Variants in ITPR2 observed in about 807,000 individuals in gnomAD.
The protein encoded by ITPR2 is inositol 1,4,5-trisphosphate receptor type 2.
Under a neutral mutation model 317.1 loss-of-function variants are expected in ITPR2, and 207 were observed. That is an observed-to-expected ratio of 0.65 (90% CI 0.58 to 0.73). The LOEUF is 0.73. ITPR2 is among the 30% of genes least tolerant of loss of function. ITPR2 has a pLI of 0.00. For missense variants in ITPR2, 2,613 were observed against 3,284.0 expected (o/e 0.80, Z 4.99); for synonymous variants, 1,156 against 1,149.1 (o/e 1.01, Z -0.12).
chr12:26,732,389 T>C (rs2137064139), intron 2 of ITPR2, among the ~76,000 whole-genome samples: 1 of 152,284 alleles, frequency 6.6e-6, no homozygotes, highest in African/African-American at 2.4e-5. Context: ...ATTAGAATAT[T>C]ATAAATATGA....
At chr12:26,669,427 A>C (rs2136932704) in intron 13 of ITPR2, among the ~76,000 whole-genome samples, 1 of 152,372 alleles carries the variant, frequency 6.6e-6, no homozygotes, top group East Asian at 1.9e-4. Context: ...GGCAGAAATA[A>C]GTATTCAGAT....
intron 9 of ITPR2, 69 bp downstream of exon 9, chr12:26,711,104 G>T: frequency 9.9e-7 from 1 of 1,009,478 alleles, no homozygotes; most frequent in Non-Finnish European, 1.6e-6. Flanking sequence ...ATGTCTTGTG[G>T]CGAACCCAAC....
chr12:26,451,408 C>T (rs904916933), intron 45 of ITPR2, among the ~76,000 whole-genome samples: 5 of 143,674 alleles, frequency 3.5e-5, no homozygotes, highest in African/African-American at 5.0e-5. Flanking sequence ...CACACACACA[C>T]GGAAAGTAAG....
At chr12:26,546,401 G>T (rs1944391026) in intron 37 of ITPR2, among the ~76,000 whole-genome samples, 1 of 151,966 alleles carries the variant, frequency 6.6e-6, no homozygotes, top group Non-Finnish European at 1.5e-5. Flanking sequence ...ACCTTCATAT[G>T]ATCAAATGTG....
At chr12:26,755,501 G>A (rs1473296587) in intron 2 of ITPR2, among the ~76,000 whole-genome samples, 1 of 152,144 alleles carries the variant, frequency 6.6e-6, no homozygotes, top group Non-Finnish European at 1.5e-5. Flanking sequence ...TTGTTTTTCA[G>A]AGTCAAGAAA....
chr12:26,578,462 T>G (rs1945324044), intron 34 of ITPR2, among the ~76,000 whole-genome samples: 1 of 152,088 alleles, frequency 6.6e-6, no homozygotes, highest in Non-Finnish European at 1.5e-5. Context: ...TCCTCTAAAA[T>G]CTGACTGAGC....
At chr12:26,489,357 T>G (rs541886060) in intron 39 of ITPR2, among the ~76,000 whole-genome samples, 1 of 152,158 alleles carries the variant, frequency 6.6e-6, no homozygotes, top group African/African-American at 2.4e-5. Flanking sequence ...AAGAGCATGA[T>G]GCAGGGAGAA....
At chr12:26,572,051 C>A (rs1945174638) in intron 34 of ITPR2, among the ~76,000 whole-genome samples, 1 of 152,180 alleles carries the variant, frequency 6.6e-6, no homozygotes, top group South Asian at 2.1e-4. Flanking sequence ...AAACAAAGTA[C>A]TCTCTTGACT....
intron 2 of ITPR2, among the ~76,000 whole-genome samples, chr12:26,740,612 G>A (rs1311980237): frequency 6.6e-6 from 1 of 152,104 alleles, no homozygotes; most frequent in Non-Finnish European, 1.5e-5. Context: ...AAAAACTCAA[G>A]GAAGATAAAC....
chr12:26,826,195 G>T (rs1386796697), intron 1 of ITPR2, among the ~76,000 whole-genome samples: 4 of 151,316 alleles, frequency 2.6e-5, no homozygotes, highest in Admixed American at 2.0e-4. Flanking sequence ...GAGCCCAGGA[G>T]TTCAGGGTTG....
chr12:26,605,998 G>C (rs1242319646), intron 26 of ITPR2, among the ~76,000 whole-genome samples: 1 of 152,092 alleles, frequency 6.6e-6, no homozygotes, highest in Non-Finnish European at 1.5e-5. Flanking sequence ...TGCTCCAAAA[G>C]TTTTCCTTCT....
At chr12:26,496,277 A>G (rs1942928982) in intron 37 of ITPR2, among the ~76,000 whole-genome samples, 1 of 152,186 alleles carries the variant, frequency 6.6e-6, no homozygotes, top group Admixed American at 6.5e-5. Flanking sequence ...CACCTGATTC[A>G]ACTCTTGGCT....
intron 2 of ITPR2, among the ~76,000 whole-genome samples, chr12:26,770,776 T>C (rs73296598): frequency 0.012 from 1,869 of 152,292 alleles, 46 homozygotes; most frequent in African/African-American, 0.042. Context: ...TCAAGTTTAT[T>C]AGTTTCCTGT....
chr12:26,516,294 A>AGGG lies in ITPR2; in HGVS notation c.5074-21035_5074-21034insCCC, dbSNP rs1250939533. On this transcript the variant is annotated intron_variant, in intron 37 of 56. Coordinates refer to ENST00000381340, the MANE Select transcript of ITPR2 (RefSeq NM_002223.4). Reference sequence around the variant, plus strand: ...AAGGAAGGGAAGGGAAGGGAAAGGAAAGGAAAGGAAAGGAAAGGAAAGGAA... The same window carrying AGGG: ...AAGGAAGGGAAGGGAAGGGAAAGGAAGGGAGGAAAGGAAAGGAAAGGAAAGGAA... 1.1e-3 allele frequency among the ~76,000 whole-genome samples: 89 copies of AGGG among 84,596 alleles called. 6 individuals carry two copies. The highest frequency in any genetic ancestry group is 1.6e-3 in the African/African-American group (36 of 22,066). The allele number at this position is 84,596 out of a possible 152,430, so 55.5% of individuals were successfully genotyped here.
At chr12:26,780,175 C>T (rs780483851) in intron 2 of ITPR2, among the ~76,000 whole-genome samples, 1 of 152,222 alleles carries the variant, frequency 6.6e-6, no homozygotes, top group Non-Finnish European at 1.5e-5. Flanking sequence ...GACCTGGCTA[C>T]AGCCACTGCT....
intron 55 of ITPR2, among the ~76,000 whole-genome samples, chr12:26,350,794 G>A (rs2136558738): frequency 6.6e-6 from 1 of 152,132 alleles, no homozygotes; most frequent in South Asian, 2.1e-4. Flanking sequence ...GAGGGCAGAG[G>A]CTGCATAAAG....
chr12:26,530,287 T>C (rs1565583701), intron 37 of ITPR2, among the ~76,000 whole-genome samples: 1 of 152,190 alleles, frequency 6.6e-6, no homozygotes, highest in Admixed American at 6.5e-5. Flanking sequence ...ACACTTATTC[T>C]GGAATTTTCT....
intron 55 of ITPR2, among the ~76,000 whole-genome samples, chr12:26,383,445 C>T (rs1012019644): frequency 1.3e-5 from 2 of 151,718 alleles, no homozygotes; most frequent in African/African-American, 4.8e-5. Context: ...GAGGAACATT[C>T]CCAGAACTTA....
At chr12:26,669,243 T>G (rs1310153269) in intron 13 of ITPR2, among the ~76,000 whole-genome samples, 1 of 151,858 alleles carries the variant, frequency 6.6e-6, no homozygotes, top group Non-Finnish European at 1.5e-5. Context: ...TTGATCCAGA[T>G]ACTAGCAAAG....
Sources: gnomAD v4.1 joint callset for allele counts (sites outside exome capture counted in the v4.1 genomes callset) on GRCh38, gnomAD v4.1.1 for gene constraint, MANE v1.5 for transcripts, NCBI Gene and HGNC (gene_info 2026-07-23, HGNC 2026-07-21) for gene names.